CABIN1: variants seen among roughly 807,000 people sequenced by gnomAD.
CABIN1 encodes the protein calcineurin-binding protein cabin-1.
Under a neutral mutation model 227.7 loss-of-function variants are expected in CABIN1, and 133 were observed. The observed-to-expected ratio is 0.58, with a 90% confidence interval of 0.51 to 0.67. The LOEUF is 0.67. Among genes scored for constraint, CABIN1 ranks in the 30% least tolerant of loss-of-function variants. The probability of loss-of-function intolerance (pLI) is 0.00; values close to 1 mark genes in which losing one functional copy is unlikely to be tolerated. For synonymous variants in CABIN1, 1,086 were observed against 1,155.1 expected, an observed-to-expected ratio of 0.94 and a Z score of 1.21; for missense variants, 2,408 against 2,852.5, an observed-to-expected ratio of 0.84 and a Z score of 3.55.
At chr22:24,067,834 C>T (rs1191876462) in intron 16 of CABIN1, among the ~76,000 whole-genome samples, 1 of 152,168 alleles carries the variant, frequency 6.6e-6, no homozygotes, top group African/African-American at 2.4e-5. Context: ...TGTGTTGGCA[C>T]CATGCCTGGC....
intron 8 of CABIN1, among the ~76,000 whole-genome samples, chr22:24,052,828 A>C (rs2038452460): frequency 6.6e-6 from 1 of 151,800 alleles, no homozygotes. Flanking sequence ...AATTTGCTGC[A>C]GGGCACAGTT....
intron 1 of CABIN1, among the ~76,000 whole-genome samples, chr22:24,022,747 T>G (rs1334897276): frequency 1.3e-5 from 2 of 152,148 alleles, no homozygotes; most frequent in African/African-American, 4.8e-5. Flanking sequence ...ATTATCAGTT[T>G]TTAAAAAAAT....
chr22:24,059,612 A>G (rs1337859949), intron 11 of CABIN1, among the ~76,000 whole-genome samples: 2 of 152,192 alleles, frequency 1.3e-5, no homozygotes, highest in African/African-American at 4.8e-5. Context: ...GAATCTATAT[A>G]AGCACACCTG....
At chr22:24,052,857 C>T (rs1367142913) in intron 8 of CABIN1, among the ~76,000 whole-genome samples, 1 of 151,686 alleles carries the variant, frequency 6.6e-6, no homozygotes, top group African/African-American at 2.4e-5. Context: ...CTGGTTTCCT[C>T]AGTGCCTAGT....
At chr22:24,089,437 C>G (rs61443143) in intron 23 of CABIN1, among the ~76,000 whole-genome samples, 2,678 of 152,268 alleles carry the variant, frequency 0.018, 88 homozygotes, top group East Asian at 0.14. Flanking sequence ...GGTCCTGAAA[C>G]TGGGTTCCCA....
chr22:24,113,828 C>A, intron 27 of CABIN1, 80 bp downstream of exon 27: 1 of 1,518,478 alleles, frequency 6.6e-7, no homozygotes, highest in South Asian at 1.1e-5. Context: ...CTTCGTGGCC[C>A]AGGGACCTTG....
chr22:24,149,336 G>A (rs2045347846), intron 29 of CABIN1, among the ~76,000 whole-genome samples: 1 of 152,222 alleles, frequency 6.6e-6, no homozygotes, highest in Non-Finnish European at 1.5e-5. Flanking sequence ...ACCTCTTAGA[G>A]TTATGGGGAG....
At chr22:24,028,845 G>A (rs1055412628) in intron 1 of CABIN1, among the ~76,000 whole-genome samples, 8 of 152,088 alleles carry the variant, frequency 5.3e-5, no homozygotes, top group Non-Finnish European at 1.2e-4. Context: ...GTGGTACAAA[G>A]ATAAATAGGA....
chr22:24,046,897 C>CCT (rs2037926963), intron 6 of CABIN1, among the ~76,000 whole-genome samples: 1 of 148,498 alleles, frequency 6.7e-6, no homozygotes, highest in East Asian at 2.6e-4. Flanking sequence ...AGGTAGAAAA[C>CCT]CCCCCCCACC....
intron 29 of CABIN1, among the ~76,000 whole-genome samples, chr22:24,156,961 G>A (rs572800888): frequency 6.6e-6 from 1 of 152,306 alleles, no homozygotes; most frequent in East Asian, 1.9e-4. Context: ...CAGGCAAATT[G>A]CAGGCTTTCC....
intron 1 of CABIN1, among the ~76,000 whole-genome samples, chr22:24,012,173 C>A (rs2146325370): frequency 6.6e-6 from 1 of 152,116 alleles, no homozygotes; most frequent in South Asian, 2.1e-4. Flanking sequence ...CTTGGGGGGT[C>A]CATACTCTGT....
intron 6 of CABIN1, among the ~76,000 whole-genome samples, chr22:24,045,248 C>T (rs898031437): frequency 6.6e-6 from 1 of 152,114 alleles, no homozygotes; most frequent in African/African-American, 2.4e-5. Context: ...ACAATCCTTA[C>T]ATACCAATAT....
intron 1 of CABIN1, among the ~76,000 whole-genome samples, chr22:24,012,136 T>C (rs1425150314): frequency 2.6e-5 from 4 of 152,216 alleles, no homozygotes; most frequent in Non-Finnish European, 1.5e-5. Context: ...ATAATGAGTA[T>C]AATAGTATTC....
At chr22:24,168,325 G>A in intron 32 of CABIN1, 122 bp from the exon 33 acceptor site, 1 of 913,874 alleles carries the variant, frequency 1.1e-6, no homozygotes, top group Non-Finnish European at 1.8e-6. Context: ...GGTGTTGGGG[G>A]GCACCCGAGC....
In CABIN1 at chr22:24,168,351, C is replaced by T; in HGVS notation, c.5683-96C>T. 6.4e-6 allele frequency: 8 copies of T among 1,249,924 alleles called. No homozygotes were observed. In the South Asian group the frequency reaches 1.0e-4, roughly 16 times the overall value. The allele number at this position is 1,249,924 out of a possible 1,614,324, so 77.4% of individuals were successfully genotyped here. A position where few individuals can be genotyped will look rare whatever the true frequency, so the allele number is the denominator to read the frequency against. On this transcript the variant is annotated intron_variant, in intron 32 of 36. Transcript: ENST00000263119. ...GCACCCGAGCCACAGGGCATGCCCC[C>T]TACCTAGGCTGGTCTGTGCTACATA...
At chr22:24,172,026 C>A in intron 34 of CABIN1, 31 bp downstream of exon 34, 2 of 1,594,190 alleles carry the variant, frequency 1.3e-6, no homozygotes, top group South Asian at 1.1e-5. Context: ...GAGCTGGGCC[C>A]AGGCCCCTGC....
At chr22:24,072,550 C>T in intron 18 of CABIN1, 40 bp downstream of exon 18, 1 of 1,612,788 alleles carries the variant, frequency 6.2e-7, no homozygotes, top group Non-Finnish European at 8.5e-7. Context: ...AGCTCTGACT[C>T]CCATGTCCTT....
Position 24,177,884 on chromosome 22 carries a change from A to ATGGGGG in CABIN1, c.6519+77_6519+82dup. 1.4e-5 allele frequency: 11 copies of ATGGGGG among 790,312 alleles called. No homozygotes were observed. The highest frequency in any genetic ancestry group is 2.3e-5 in the Admixed American group (1 of 44,018). The allele number at this position is 790,312 out of a possible 1,614,324, so 49.0% of individuals were successfully genotyped here. On this transcript the variant is annotated intron_variant, in intron 36 of 36. Coordinates refer to ENST00000263119, the MANE Select transcript of CABIN1 (RefSeq NM_012295.4). The surrounding 1 kb of genome is among the most constrained non-coding windows in gnomAD (Gnocchi z 4.4). ...GCATAGGTTACAAAGGGGGCCTAGG[A>ATGGGGG]TGGGGGTGGGGGTGGCAGGAGGGCC...
intron 29 of CABIN1, among the ~76,000 whole-genome samples, chr22:24,156,994 T>TGG (rs1469068870): frequency 2.0e-5 from 3 of 151,966 alleles, no homozygotes; most frequent in African/African-American, 7.3e-5. Flanking sequence ...GCAGAGAGAA[T>TGG]CATTACCTGT....
Sources: gnomAD v4.1 joint callset for allele counts (sites outside exome capture counted in the v4.1 genomes callset) on GRCh38, gnomAD v4.1.1 for gene constraint, Gnocchi (gnomAD v3.1) non-coding constraint, MANE v1.5 for transcripts, NCBI Gene and HGNC (gene_info 2026-07-23, HGNC 2026-07-21) for gene names.